The following CD84 variants were observed in gnomAD, a reference collection of about 807,000 sequenced individuals.
CD84 encodes the protein CD84 molecule.
A neutral mutation model predicts 33.8 loss-of-function variants in CD84; 22 were observed. The ratio of observed to expected loss-of-function variants is 0.65; its 90% confidence interval spans 0.46 to 0.93. CD84 has a LOEUF of 0.93. Among genes scored for constraint, CD84 ranks in the 40% least tolerant of loss-of-function variants. CD84 has a pLI of 0.00. For synonymous variants in CD84, 154 were observed against 145.2 expected, an observed-to-expected ratio of 1.06 and a Z score of -0.44; for missense variants, 400 against 397.6, an observed-to-expected ratio of 1.01 and a Z score of -0.05.
chr1:160,578,479 T>C (rs192791918), intron 1 of CD84, among the ~76,000 whole-genome samples: 235 of 152,302 alleles, frequency 1.5e-3, no homozygotes, highest in Middle Eastern at 6.8e-3. Context: ...TCACAGTGCA[T>C]TGATTCTACC....
At chr1:160,568,908 C>T (rs1189640742) in intron 1 of CD84, among the ~76,000 whole-genome samples, 1 of 152,132 alleles carries the variant, frequency 6.6e-6, no homozygotes, top group Non-Finnish European at 1.5e-5. Context: ...GGTCACAAAA[C>T]CTTTCTGAAC....
At position 160,544,599 on chromosome 1, in the gene CD84, A is replaced by C. The variant is rs1191198354; in HGVS notation, c.*3657T>G. 1 of 152,124 alleles carries C rather than the reference A, an allele frequency of 6.6e-6. No individual in the cohort carries two copies. Among genetic ancestry groups the C allele is most frequent in the Non-Finnish European group, 1.5e-5 (1 of 68,024 alleles). 9.4% of individuals were successfully genotyped at this position (152,124 alleles called of 1,614,324 possible). Reference sequence around the variant, plus strand: ...CATTCCTTCTCTCCAGGCAGGACCTAAGAAGTGCTCTCTGTGGACACGGCC... The same window carrying C: ...CATTCCTTCTCTCCAGGCAGGACCTCAGAAGTGCTCTCTGTGGACACGGCC... On this transcript the variant is annotated 3_prime_UTR_variant, in exon 7 of 7. Transcript: ENST00000368054.
chr1:160,566,986 GA>G (rs1341393940), intron 1 of CD84, among the ~76,000 whole-genome samples: 2 of 152,124 alleles, frequency 1.3e-5, no homozygotes, highest in African/African-American at 2.4e-5. Flanking sequence ...AATTCTCAAT[GA>G]GGGCTCTTTA....
chr1:160,548,044 A>C lies in CD84; in HGVS notation c.*212T>G. ...AGGTAACCTGCTTTGTCATTCATTC[A>C]GAAGGGAGTCATTTCAGGAAGGGTA... On this transcript the variant is annotated 3_prime_UTR_variant, in exon 7 of 7. Transcript: ENST00000368054. The C allele has an allele frequency of 1.7e-6, 1 of 587,452 alleles. No individual in the cohort carries two copies. The highest frequency in any genetic ancestry group is 2.0e-5 in the South Asian group (1 of 49,788). The allele number at this position is 587,452 out of a possible 1,614,324, so 36.4% of individuals were successfully genotyped here. A position where few individuals can be genotyped will look rare whatever the true frequency, so the allele number is the denominator to read the frequency against.
rs1275044195 is a variant in CD84 at position 160,550,940 on chromosome 1, T to G, written c.856A>C (p.Lys286Gln). 5 of 1,613,584 alleles carry G rather than the reference T, an allele frequency of 3.1e-6. No individual in the cohort carries two copies. The highest frequency in any genetic ancestry group is 4.2e-6 in the Non-Finnish European group (5 of 1,179,602). Reference sequence around the variant, plus strand: ...GTCCATGAATTGCATCAGCTCACCTTGGACTGCAGGATTTCATCATAGATT... The same window carrying G: ...GTCCATGAATTGCATCAGCTCACCTGGGACTGCAGGATTTCATCATAGATT... ...SRIYDEILQSKVLPSKEEPVN... is the reference protein window; with the variant it reads ...SRIYDEILQSQVLPSKEEPVN... The change falls in exon 5 of 7, where the codon AAG becomes CAG. Residue 286 changes from lysine to glutamine, a missense_variant and splice_region_variant. By Grantham distance (53) the Lys-to-Gln change is moderately conservative. Transcript: ENST00000368054.
chr1:160,568,744 C>G (rs1270157959), intron 1 of CD84, among the ~76,000 whole-genome samples: 1 of 138,280 alleles, frequency 7.2e-6, no homozygotes, highest in Non-Finnish European at 1.5e-5. Context: ...CCTCAGCCAC[C>G]CAAGTAGCTG....
At position 160,574,114 on chromosome 1, in the gene CD84, CA is replaced by C. The variant is rs200259393; in HGVS notation, c.46+5277del. ...TCTCAAAACAAAAAACAAAAACAAA[CA>C]AAAAAAAACAAAGCTTTTTTTTTTT... On this transcript the variant is annotated intron_variant, in intron 1 of 6. Transcript: ENST00000368054. Among the ~76,000 whole-genome samples, 14 of 88,332 alleles carry C rather than the reference CA, an allele frequency of 1.6e-4. No individual in the cohort carries two copies. The South Asian group carries it at 5.5e-3, about 34-fold the overall frequency. 57.9% of individuals were successfully genotyped at this position (88,332 alleles called of 152,430 possible).
Position 160,541,115 on chromosome 1 carries a change from T to C in CD84, c.*7141A>G, listed in dbSNP as rs897712063. The stretch of plus-strand genomic sequence containing the variant: ...AAAATAGATGCATTATAAAATAATA[T>C]TTATTGTGTCCTGCTGAAATGGAGC... On this transcript the variant is annotated 3_prime_UTR_variant, in exon 7 of 7. Transcript: ENST00000368054. The C allele has an allele frequency of 2.0e-5, 3 of 152,174 alleles. No homozygotes were observed. The highest frequency in any genetic ancestry group is 7.2e-5 in the African/African-American group (3 of 41,434). 9.4% of individuals were successfully genotyped at this position (152,174 alleles called of 1,614,324 possible).
chr1:160,566,004 C>T (rs1284196647), intron 1 of CD84, among the ~76,000 whole-genome samples: 1 of 152,112 alleles, frequency 6.6e-6, no homozygotes, highest in African/African-American at 2.4e-5. Flanking sequence ...TTTACCTAGA[C>T]TTACAGACTC....
At chr1:160,570,692 C>G (rs1657637701) in intron 1 of CD84, among the ~76,000 whole-genome samples, 1 of 152,078 alleles carries the variant, frequency 6.6e-6, no homozygotes, top group Admixed American at 6.6e-5. Flanking sequence ...AAAACCCTGT[C>G]TCTACAAAAA....
chr1:160,550,943 A>C lies in CD84; in HGVS notation c.853T>G (p.Ser285Ala), dbSNP rs1261020346. 1.2e-6 allele frequency: 2 copies of C among 1,613,704 alleles called. No homozygotes were observed. Among genetic ancestry groups the C allele is most frequent in the Admixed American group, 3.3e-5 (2 of 60,002 alleles). ...ESRIYDEILQ[S>A]KVLPSKEEPV... Reference sequence around the variant, plus strand: ...CATGAATTGCATCAGCTCACCTTGGACTGCAGGATTTCATCATAGATTCTG... The same window carrying C: ...CATGAATTGCATCAGCTCACCTTGGCCTGCAGGATTTCATCATAGATTCTG... The change falls in exon 5 of 7, where the codon TCC (serine) becomes GCC (alanine). Residue 285 changes from serine (S) to alanine (A), a missense_variant. Physicochemically the swap from Ser to Ala is moderately conservative, Grantham distance 99 (BLOSUM62 1). Coordinates refer to ENST00000368054, the MANE Select transcript of CD84 (RefSeq NM_003874.4).
intron 6 of CD84, 96 bp from the exon 7 acceptor site, chr1:160,548,417 G>C (rs78790378): frequency 8.0e-7 from 1 of 1,251,228 alleles, no homozygotes; most frequent in African/African-American, 1.5e-5. Flanking sequence ...CAAATGGCAC[G>C]GGGGAATGCC....
chr1:160,569,983 A>G (rs186812056), intron 1 of CD84, among the ~76,000 whole-genome samples: 35 of 152,218 alleles, frequency 2.3e-4, no homozygotes, highest in African/African-American at 7.9e-4. Flanking sequence ...TAGTCATTGT[A>G]ATGTAGTAAT....
chr1:160,569,542 GCA>G (rs1657558305), intron 1 of CD84, among the ~76,000 whole-genome samples: 1 of 64,094 alleles, frequency 1.6e-5, no homozygotes, highest in Non-Finnish European at 4.3e-5. Flanking sequence ...ACACACACAC[GCA>G]CGCACGCACG....
At chr1:160,553,266 A>G (rs1656358719) in intron 4 of CD84, 112 bp downstream of exon 4, 1 of 1,575,236 alleles carries the variant, frequency 6.3e-7, no homozygotes, top group East Asian at 2.3e-5. Context: ...AGATCGGAAA[A>G]AGGCAGATTC....
chr1:160,566,081 A>C (rs1439521495), intron 1 of CD84, among the ~76,000 whole-genome samples: 1 of 152,196 alleles, frequency 6.6e-6, no homozygotes, highest in Non-Finnish European at 1.5e-5. Flanking sequence ...TATTAGGTGC[A>C]CTTCTTTCCC....
At chr1:160,568,644 T>TC in intron 1 of CD84, among the ~76,000 whole-genome samples, 1 of 152,240 alleles carries the variant, frequency 6.6e-6, no homozygotes, top group Non-Finnish European at 1.5e-5. Flanking sequence ...AGACAAAGTC[T>TC]CACTCTCTCA....
Position 160,549,071 on chromosome 1 carries a change from G to A in CD84, c.922-750C>T, listed in dbSNP as rs150211179. ...CTTCCCTCTCCTGATCACTAAGAAA[G>A]TAAATGTCCCTCTATCTGGTTGTCC... is the stretch of plus-strand genomic sequence containing the variant. On this transcript the variant is annotated intron_variant, in intron 6 of 6. Transcript: ENST00000368054. Among the ~76,000 whole-genome samples, 728 of 151,758 alleles carry A rather than the reference G, an allele frequency of 4.8e-3. 5 individuals are homozygous for A. Among genetic ancestry groups the A allele is most frequent in the African/African-American group, 0.017 (690 of 41,306 alleles).
At chr1:160,549,380 AG>A (rs1656036715) in intron 6 of CD84, among the ~76,000 whole-genome samples, 1 of 152,188 alleles carries the variant, frequency 6.6e-6, no homozygotes, top group Admixed American at 6.5e-5. Context: ...CAAAATTTAA[AG>A]TCCTGTCAGA....
Sources: gnomAD v4.1 joint callset for allele counts (sites outside exome capture counted in the v4.1 genomes callset) on GRCh38, gnomAD v4.1.1 for gene constraint, MANE v1.5 for transcripts, NCBI Gene and HGNC (gene_info 2026-07-23, HGNC 2026-07-21) for gene names.